Variants in PCSK9 observed in about 807,000 individuals in gnomAD.
PCSK9 encodes convertase subtilisin/kexin type 9 preproprotein.
A neutral mutation model predicts 62.1 loss-of-function variants in PCSK9; 57 were observed. The ratio of observed to expected loss-of-function variants is 0.92; its 90% CI spans 0.74 to 1.14. The LOEUF (loss-of-function observed/expected upper bound fraction) is 1.14, where lower values mean the gene tolerates loss of function less well. PCSK9 is among the 50% of genes most tolerant of loss of function. PCSK9 has a pLI of 0.00. For synonymous variants in PCSK9, 387 were observed against 409.4 expected (o/e 0.95, Z 0.66); for missense variants, 870 against 959.8 (o/e 0.91, Z 1.24).
chr1:55,040,316 G>A lies in PCSK9; in HGVS notation c.207+272G>A, dbSNP rs1644589839. Among the ~76,000 whole-genome samples, 1 of 152,182 alleles carries A rather than the reference G, an allele frequency of 6.6e-6. No homozygotes were observed. Among genetic ancestry groups the A allele is most frequent in the Non-Finnish European group, 1.5e-5 (1 of 68,036 alleles). On this transcript the variant is annotated intron_variant, in intron 1 of 11. Coordinates refer to ENST00000302118, the MANE Select transcript of PCSK9 (RefSeq NM_174936.4). The surrounding 1 kb of genome is among the most constrained non-coding windows in gnomAD (Gnocchi z 4.1). ...ATTCAGTGGGAAGGTTCGCGGGGTT[G>A]GGAGACCCGGAGGCCGAGGAAGGGC...
At chr1:55,062,079 C>A (rs551707770) in intron 11 of PCSK9, among the ~76,000 whole-genome samples, 4 of 152,206 alleles carry the variant, frequency 2.6e-5, no homozygotes, top group African/African-American at 9.7e-5. Flanking sequence ...AGCCGTGACC[C>A]AGAGGGGGTG....
intron 2 of PCSK9, among the ~76,000 whole-genome samples, chr1:55,044,324 G>T (rs1644618978): frequency 6.6e-6 from 1 of 152,154 alleles, no homozygotes; most frequent in Non-Finnish European, 1.5e-5. Context: ...AAACCCATTG[G>T]TCTGCCTGCC....
chr1:55,039,831 G>A lies in PCSK9; in HGVS notation c.-7G>A, dbSNP rs1644583955. 2 of 1,566,404 alleles carry A rather than the reference G, an allele frequency of 1.3e-6. No homozygotes were observed. Among genetic ancestry groups the A allele is most frequent in the South Asian group, 2.3e-5 (2 of 85,216 alleles). ...TCGCCAGGACAGCAACCTCTCCCCT[G>A]GCCCTCATGGGCACCGTCAGCTCCA... On this transcript the variant is annotated 5_prime_UTR_variant, in exon 1 of 12. Transcript: ENST00000302118.
chr1:55,052,132 G>A (rs370804853), intron 3 of PCSK9, 146 bp from the exon 4 acceptor site: 29 of 1,103,182 alleles, frequency 2.6e-5, no homozygotes, highest in Middle Eastern at 2.6e-4. Flanking sequence ...GATGTAGTGT[G>A]TGAGGATTTT....
intron 1 of PCSK9, among the ~76,000 whole-genome samples, chr1:55,042,107 C>A (rs1053755885): frequency 2.0e-5 from 3 of 151,512 alleles, no homozygotes; most frequent in African/African-American, 7.3e-5. Flanking sequence ...CCACCACGCC[C>A]GGCTAATTTT....
chr1:55,039,893 T>G lies in PCSK9; in HGVS notation c.56T>G (p.Leu19Arg). ...TGGCCGCTGCCACTGCTGCTGCTGC[T>G]GCTGCTGCTCCTGGGTCCCGCGGGC... ...SWWPLPLLLLLLLLLGPAGAR... is the reference protein window; with the variant it reads ...SWWPLPLLLLRLLLLGPAGAR... Residue 19 changes from leucine to arginine, a missense_variant, in exon 1 of 12, where the codon CTG (leucine) becomes CGG (arginine). Transcript: ENST00000302118. The G allele has an allele frequency of 6.4e-7, 1 of 1,565,406 alleles. No individual in the cohort carries two copies. The highest frequency in any genetic ancestry group is 1.9e-5 in the Admixed American group (1 of 52,336).
At chr1:55,057,917 A>T in intron 7 of PCSK9, 119 bp from the exon 8 acceptor site, 1 of 1,389,576 alleles carries the variant, frequency 7.2e-7, no homozygotes, top group Non-Finnish European at 1.0e-6. Context: ...AAGAGAGCTT[A>T]GTGTCTGTGT....
In PCSK9 at chr1:55,039,817, G is replaced by A. The variant is rs1323032357; in HGVS notation, c.-21G>A. 1 of 1,568,950 alleles carries A rather than the reference G, an allele frequency of 6.4e-7. No homozygotes were observed. The highest frequency in any genetic ancestry group is 2.3e-5 in the East Asian group (1 of 43,178). Reference sequence around the variant, plus strand: ...GCCTCTAGGTCTCCTCGCCAGGACAGCAACCTCTCCCCTGGCCCTCATGGG... The same window carrying A: ...GCCTCTAGGTCTCCTCGCCAGGACAACAACCTCTCCCCTGGCCCTCATGGG... On this transcript the variant is annotated 5_prime_UTR_variant, in exon 1 of 12. Transcript: ENST00000302118.
chr1:55,061,167 C>G (rs41297885), intron 10 of PCSK9, among the ~76,000 whole-genome samples: 3,964 of 152,282 alleles, frequency 0.026, 62 homozygotes, highest in Non-Finnish European at 0.037. Context: ...GGTTGAATGG[C>G]TCTCCCAAGG....
At chr1:55,054,641 G>T (rs1349605082) in intron 5 of PCSK9, among the ~76,000 whole-genome samples, 1 of 152,178 alleles carries the variant, frequency 6.6e-6, no homozygotes, top group Non-Finnish European at 1.5e-5. Context: ...TGCACATCAG[G>T]GCCAGAGCTG....
chr1:55,047,978 C>G (rs1644646093), intron 3 of PCSK9, among the ~76,000 whole-genome samples: 1 of 152,230 alleles, frequency 6.6e-6, no homozygotes. Flanking sequence ...CAGAGGATCA[C>G]AGAGACCCCA....
At chr1:55,050,311 T>G (rs1378460529) in intron 3 of PCSK9, among the ~76,000 whole-genome samples, 4 of 152,206 alleles carry the variant, frequency 2.6e-5, no homozygotes, top group African/African-American at 7.2e-5. Context: ...TGTCTGCCCC[T>G]TCGACATTCC....
chr1:55,057,938 TTGTGTGTA>T (rs1226327408), intron 7 of PCSK9, 90 bp from the exon 8 acceptor site: 1 of 1,502,106 alleles, frequency 6.7e-7, no homozygotes, highest in African/African-American at 1.4e-5. Flanking sequence ...GCACGTGTGT[TTGTGTGTA>T]TGTGTGTGCG....
intron 9 of PCSK9, among the ~76,000 whole-genome samples, 196 bp downstream of exon 9, chr1:55,058,843 G>C (rs778023879): frequency 2.0e-5 from 3 of 152,202 alleles, no homozygotes; most frequent in African/African-American, 7.2e-5. Flanking sequence ...GCTGGGGGCT[G>C]CTGGAGAGAG....
chr1:55,043,816 A>G (rs367785668), intron 1 of PCSK9, 27 bp from the exon 2 acceptor site: 24 of 1,612,994 alleles, frequency 1.5e-5, no homozygotes, highest in Non-Finnish European at 1.9e-5. Flanking sequence ...CTTCCATGTC[A>G]TCATGTTCCT....
At chr1:55,059,364 G>A in intron 9 of PCSK9, 122 bp from the exon 10 acceptor site, 1 of 1,253,332 alleles carries the variant, frequency 8.0e-7, no homozygotes, top group South Asian at 1.3e-5. Context: ...CCAGAAGGCT[G>A]GGTCTGGCTG....
At chr1:55,062,796 T>C (rs1221473521) in intron 11 of PCSK9, among the ~76,000 whole-genome samples, 1 of 152,044 alleles carries the variant, frequency 6.6e-6, no homozygotes, top group Non-Finnish European at 1.5e-5. Flanking sequence ...CATGCAGGGG[T>C]CTGGCCTCAG....
intron 9 of PCSK9, 41 bp downstream of exon 9, chr1:55,058,688 T>C (rs1644735910): frequency 1.3e-6 from 2 of 1,508,158 alleles, no homozygotes; most frequent in African/African-American, 1.4e-5. Flanking sequence ...TGTGTGTGTG[T>C]GTGTGTGTGT....
At chr1:55,057,115 C>T (rs146016823) in intron 6 of PCSK9, among the ~76,000 whole-genome samples, 1 of 152,322 alleles carries the variant, frequency 6.6e-6, no homozygotes, top group African/African-American at 2.4e-5. Flanking sequence ...ATTGGGAATG[C>T]TGCCTGGCTA....
Sources: allele counts gnomAD v4.1 joint callset (sites outside exome capture counted in the v4.1 genomes callset), GRCh38; gene constraint gnomAD v4.1.1; non-coding constraint Gnocchi (gnomAD v3.1); transcripts MANE v1.5; gene names NCBI Gene and HGNC (gene_info 2026-07-23, HGNC 2026-07-21).